The following CNGA1 variants were observed in gnomAD, a reference collection of about 807,000 sequenced individuals.
The protein encoded by CNGA1 is cyclic nucleotide-gated channel alpha-1.
Under a neutral mutation model 69.7 loss-of-function variants are expected in CNGA1, and 53 were observed. The observed-to-expected ratio is 0.76, with a 90% CI of 0.61 to 0.96. The LOEUF is 0.96. Ranked by LOEUF, CNGA1 falls within the 40% of genes least tolerant of loss-of-function variation. The probability of loss-of-function intolerance (pLI) is 0.00; values close to 1 mark genes in which losing one functional copy is unlikely to be tolerated. For missense variants in CNGA1, 739 were observed against 811.2 expected (o/e 0.91, Z 1.08); for synonymous variants, 249 against 283.5 (o/e 0.88, Z 1.22).
chr4:47,979,487 A>G (rs749882544), intron 3 of CNGA1, among the ~76,000 whole-genome samples: 4 of 152,168 alleles, frequency 2.6e-5, no homozygotes, highest in Non-Finnish European at 4.4e-5. Context: ...ACATACTATC[A>G]CCTGAGGTAA....
Position 47,937,116 on chromosome 4 carries a change from T to C in CNGA1, c.1366A>G (p.Lys456Glu). 6.2e-7 allele frequency: 1 copy of C among 1,614,220 alleles called. No individual in the cohort carries two copies. The highest frequency in any genetic ancestry group is 1.1e-5 in the South Asian group (1 of 91,082). Reference protein sequence around the residue: ...EKEVLKYLPDKLRAEIAINVH... With the variant: ...EKEVLKYLPDELRAEIAINVH... ...TTGATGGCAATTTCTGCTCTTAGTT[T>C]ATCAGGTAGATACTTTAAGACTTCT... is the stretch of plus-strand genomic sequence containing the variant. Residue 456 changes from lysine to glutamate, a missense_variant, in exon 11 of 11, where the codon AAA becomes GAA. Coordinates refer to ENST00000514170, the MANE Select transcript of CNGA1 (RefSeq NM_001379270.1).
At chr4:47,961,249 A>G (rs1740418249) in intron 3 of CNGA1, among the ~76,000 whole-genome samples, 1 of 152,214 alleles carries the variant, frequency 6.6e-6, no homozygotes. Flanking sequence ...TCAGCATTCA[A>G]GGTGAAACAT....
At position 47,977,514 on chromosome 4, in the gene CNGA1, T is replaced by C. The variant is rs1327706796; in HGVS notation, c.-15+3879A>G. 2.6e-5 allele frequency among the ~76,000 whole-genome samples: 4 copies of C among 152,160 alleles called. No individual in the cohort carries two copies. In the East Asian group the frequency reaches 7.7e-4, roughly 29 times the overall value. ...AGCTGGAATTAGGATGTCTGAGTGC[T>C]CATGGTTTCTCCTCAACACTCACAT... On this transcript the variant is annotated intron_variant, in intron 3 of 10. Coordinates refer to ENST00000514170, the MANE Select transcript of CNGA1 (RefSeq NM_001379270.1).
chr4:48,016,462 C>T, intron 1 of CNGA1, 21 bp downstream of exon 1: 1 of 295,754 alleles, frequency 3.4e-6, no homozygotes, highest in Non-Finnish European at 6.3e-6. Flanking sequence ...AGCCTCCACT[C>T]CACTCAATTC....
intron 6 of CNGA1, among the ~76,000 whole-genome samples, chr4:47,948,936 T>C (rs1474749837): frequency 6.6e-6 from 1 of 152,166 alleles, no homozygotes; most frequent in Non-Finnish European, 1.5e-5. Flanking sequence ...AAGAATTTCA[T>C]TTGAGGCCTC....
chr4:48,000,551 A>T (rs1175159749), intron 2 of CNGA1, among the ~76,000 whole-genome samples: 2 of 152,160 alleles, frequency 1.3e-5, no homozygotes, highest in Admixed American at 1.3e-4. Flanking sequence ...TATTTTTAGT[A>T]GATACGGGGC....
At chr4:47,988,023 T>C (rs1357502112) in intron 2 of CNGA1, among the ~76,000 whole-genome samples, 3 of 152,188 alleles carry the variant, frequency 2.0e-5, no homozygotes, top group African/African-American at 7.2e-5. Flanking sequence ...GCAACTGTAG[T>C]AATTCATTCA....
chr4:47,983,184 A>G (rs906288810), intron 2 of CNGA1, among the ~76,000 whole-genome samples: 1 of 152,252 alleles, frequency 6.6e-6, no homozygotes, highest in East Asian at 1.9e-4. Context: ...GATCTAAAAA[A>G]GTGTATTAAC....
chr4:47,976,171 ACACATACATATATATATACATATATATG>A lies in CNGA1; in HGVS notation c.-15+5194_-15+5221del. 6.9e-5 allele frequency among the ~76,000 whole-genome samples: 4 copies of A among 57,570 alleles called. 1 individual carries two copies. Among genetic ancestry groups the A allele is most frequent in the African/African-American group, 3.4e-4 (4 of 11,682 alleles). The allele number at this position is 57,570 out of a possible 152,430, so 37.8% of individuals were successfully genotyped here. On this transcript the variant is annotated intron_variant, in intron 3 of 10. Transcript: ENST00000514170. ...TATGTATATATATATATATATATATACACATACATATATATATACATATATATGTATATATATATATACACATACATAT... is the reference window on the plus strand; with the variant it reads ...TATGTATATATATATATATATATATATATATATATATATACACATACATAT...
chr4:48,010,834 C>T lies in CNGA1; in HGVS notation c.-163G>A, dbSNP rs1023154953. 6 of 153,656 alleles carry T rather than the reference C, an allele frequency of 3.9e-5. No homozygotes were observed. The highest frequency in any genetic ancestry group is 1.8e-4 in the South Asian group (1 of 5,540). The allele number at this position is 153,656 out of a possible 1,614,324, so 9.5% of individuals were successfully genotyped here. A position where few individuals can be genotyped will look rare whatever the true frequency, so the allele number is the denominator to read the frequency against. ...GGGATGGAAGTCAGCAGCAGGTCTG[C>T]GATGGCAGCAAACGACAGTGGTGGG... On this transcript the variant is annotated 5_prime_UTR_variant, in exon 2 of 11. Coordinates refer to ENST00000514170, the MANE Select transcript of CNGA1 (RefSeq NM_001379270.1).
At chr4:47,941,969 G>C in intron 9 of CNGA1, 72 bp downstream of exon 9, 2 of 905,934 alleles carry the variant, frequency 2.2e-6, no homozygotes, top group Non-Finnish European at 3.5e-6. Context: ...AAGTCAAATT[G>C]TTTAGTCAGT....
chr4:47,987,401 G>A (rs979511299), intron 2 of CNGA1, among the ~76,000 whole-genome samples: 2 of 152,040 alleles, frequency 1.3e-5, no homozygotes, highest in African/African-American at 2.4e-5. Context: ...ATAATTAAAC[G>A]TTATGTAATT....
At chr4:47,988,620 C>A (rs1294992902) in intron 2 of CNGA1, among the ~76,000 whole-genome samples, 1 of 151,932 alleles carries the variant, frequency 6.6e-6, no homozygotes, top group African/African-American at 2.4e-5. Context: ...TCTGGGGGTC[C>A]AGGACTCAAT....
chr4:47,942,172 G>A lies in CNGA1; in HGVS notation c.438-24C>T, dbSNP rs750887253. The stretch of plus-strand genomic sequence containing the variant: ...CCCTAGCGGCAATTAGAAATAAAGG[G>A]GATAGTTACCAAGATACAAGAACAT... On this transcript the variant is annotated intron_variant, in intron 8 of 10. Coordinates refer to ENST00000514170, the MANE Select transcript of CNGA1 (RefSeq NM_001379270.1). The A allele has an allele frequency of 2.2e-5, 31 of 1,383,348 alleles. No homozygotes were observed. In the South Asian group the frequency reaches 3.5e-4, roughly 16 times the overall value. The allele number at this position is 1,383,348 out of a possible 1,614,324, so 85.7% of individuals were successfully genotyped here.
At chr4:47,974,193 T>G (rs1312486052) in intron 3 of CNGA1, among the ~76,000 whole-genome samples, 1 of 71,744 alleles carries the variant, frequency 1.4e-5, no homozygotes, top group Non-Finnish European at 2.5e-5. Context: ...GAAGTAATAT[T>G]TATAGTATCA....
chr4:47,964,991 TAA>T (rs970582645), intron 3 of CNGA1, among the ~76,000 whole-genome samples: 29 of 152,316 alleles, frequency 1.9e-4, no homozygotes, highest in African/African-American at 6.5e-4. Context: ...GTTTTTGTAT[TAA>T]TTAATTTCTG....
In CNGA1 at chr4:47,974,067, T is replaced by TGTAGATAGATAG. The variant is rs778069204; in HGVS notation, c.-15+7325_-15+7326insCTATCTATCTAC. Reference sequence around the variant, plus strand: ...AATTAGTCAGTCTCATAACCTGGTCTCTAGATAGATAGATAGATAGATAGA... The same window carrying TGTAGATAGATAG: ...AATTAGTCAGTCTCATAACCTGGTCTGTAGATAGATAGCTAGATAGATAGATAGATAGATAGA... On this transcript the variant is annotated intron_variant, in intron 3 of 10. Coordinates refer to ENST00000514170, the MANE Select transcript of CNGA1 (RefSeq NM_001379270.1). 1.7e-4 allele frequency among the ~76,000 whole-genome samples: 21 copies of TGTAGATAGATAG among 125,284 alleles called. 1 individual carries two copies. The highest frequency in any genetic ancestry group is 1.1e-3 in the East Asian group (5 of 4,492). 82.2% of individuals were successfully genotyped at this position (125,284 alleles called of 152,430 possible).
In CNGA1 at chr4:47,942,189, C is replaced by T. The variant is rs377368657; in HGVS notation, c.438-41G>A. On this transcript the variant is annotated intron_variant, in intron 8 of 10. Coordinates refer to ENST00000514170, the MANE Select transcript of CNGA1 (RefSeq NM_001379270.1). ...AATAAAGGGGATAGTTACCAAGATA[C>T]AAGAACATTTTTATTTACCATGTTA... 3.0e-5 allele frequency: 37 copies of T among 1,225,652 alleles called. 1 individual carries two copies. The highest frequency in any genetic ancestry group is 4.0e-5 in the Non-Finnish European group (33 of 825,688). 75.9% of individuals were successfully genotyped at this position (1,225,652 alleles called of 1,614,324 possible). A position where few individuals can be genotyped will look rare whatever the true frequency, so the allele number is the denominator to read the frequency against.
At chr4:47,946,794 CTTTCTTTT>C (rs1457724347) in intron 6 of CNGA1, among the ~76,000 whole-genome samples, 8 of 74,898 alleles carry the variant, frequency 1.1e-4, no homozygotes, top group Non-Finnish European at 2.2e-4. Context: ...TTCTTTCTTT[CTTTCTTTT>C]TTTGAGGAGT....
Sources: gnomAD v4.1 joint callset for allele counts (sites outside exome capture counted in the v4.1 genomes callset) on GRCh38, gnomAD v4.1.1 for gene constraint, MANE v1.5 for transcripts, NCBI Gene and HGNC (gene_info 2026-07-23, HGNC 2026-07-21) for gene names.